Variants in LIN52 observed in about 807,000 individuals in gnomAD.
LIN52 encodes protein lin-52 homolog.
A neutral mutation model predicts 18.5 loss-of-function variants in LIN52; 4 were observed. The ratio of observed to expected loss-of-function variants is 0.22; its 90% CI spans 0.11 to 0.49. The LOEUF (loss-of-function observed/expected upper bound fraction) is 0.49. Among genes scored for constraint, LIN52 ranks in the 20% least tolerant of loss-of-function variants. LIN52 has a pLI of 0.97. For missense variants in LIN52, 102 were observed against 139.5 expected (o/e 0.73, Z 1.35); for synonymous variants, 34 against 45.5 (o/e 0.75, Z 1.02).
At chr14:74,138,723 C>T (rs1044297183) in intron 5 of LIN52, among the ~76,000 whole-genome samples, 6 of 150,944 alleles carry the variant, frequency 4.0e-5, no homozygotes, top group Admixed American at 6.6e-5. Flanking sequence ...CACCCCACCC[C>T]CTATCCTCTG....
intron 5 of LIN52, among the ~76,000 whole-genome samples, chr14:74,106,984 C>T (rs1162604634): frequency 3.9e-5 from 6 of 152,126 alleles, no homozygotes; most frequent in Admixed American, 1.3e-4. Context: ...AAATTTAGGC[C>T]CCTTAGTGTG....
intron 5 of LIN52, among the ~76,000 whole-genome samples, chr14:74,157,402 G>C (rs2139561469): frequency 6.6e-6 from 1 of 151,364 alleles, no homozygotes; most frequent in East Asian, 1.9e-4. Flanking sequence ...GCTAACCACA[G>C]ATACTTCTTT....
At position 74,097,655 on chromosome 14, in the gene LIN52, C is replaced by T. The variant is rs113407505; in HGVS notation, c.133-139C>T. On this transcript the variant is annotated intron_variant, in intron 3 of 5. Transcript: ENST00000555028. ...TTCCCCATGTTGGCCAGGCGGGTCT[C>T]GAACTCCTGACTCCTGACCTCAAGT... 3,255 of 572,834 alleles carry T rather than the reference C, an allele frequency of 5.7e-3. 82 individuals carry two copies. The highest frequency in any genetic ancestry group is 0.056 in the African/African-American group (2,881 of 51,570). The allele number at this position is 572,834 out of a possible 1,614,324, so 35.5% of individuals were successfully genotyped here.
intron 5 of LIN52, among the ~76,000 whole-genome samples, chr14:74,127,721 G>A (rs992013045): frequency 6.6e-6 from 1 of 152,266 alleles, no homozygotes; most frequent in Non-Finnish European, 1.5e-5. Flanking sequence ...AATGACTTAG[G>A]ACACAGAATA....
chr14:74,162,556 T>A (rs191613283), intron 5 of LIN52, among the ~76,000 whole-genome samples: 129 of 152,048 alleles, frequency 8.5e-4, no homozygotes, highest in African/African-American at 3.1e-3. Context: ...TTATTTATTT[T>A]TTTATTGAAA....
At chr14:74,136,092 T>C (rs2061096228) in intron 5 of LIN52, among the ~76,000 whole-genome samples, 1 of 152,226 alleles carries the variant, frequency 6.6e-6, no homozygotes, top group Admixed American at 6.5e-5. Flanking sequence ...TCACTTGCTA[T>C]GTCCAATGTA....
At chr14:74,130,875 C>T (rs903735741) in intron 5 of LIN52, among the ~76,000 whole-genome samples, 5 of 151,478 alleles carry the variant, frequency 3.3e-5, no homozygotes, top group East Asian at 1.9e-4. Context: ...CATGACCCAC[C>T]GTGCCCGGCC....
intron 5 of LIN52, chr14:74,114,138 G>A (rs1167286510): frequency 6.1e-6 from 6 of 984,052 alleles, no homozygotes; most frequent in East Asian, 1.1e-4. Context: ...GAGCCACAGC[G>A]CCCGGCCAGA....
chr14:74,109,747 A>G (rs1287861794), intron 5 of LIN52, among the ~76,000 whole-genome samples: 1 of 152,188 alleles, frequency 6.6e-6, no homozygotes, highest in African/African-American at 2.4e-5. Flanking sequence ...TTTCATTTTC[A>G]GTTTGCTCAT....
intron 4 of LIN52, among the ~76,000 whole-genome samples, chr14:74,098,704 C>T (rs557841261): frequency 1.3e-5 from 2 of 151,948 alleles, no homozygotes; most frequent in Non-Finnish European, 2.9e-5. Flanking sequence ...TCCCCCACCA[C>T]GTCCAGCTAA....
At chr14:74,114,660 A>G (rs2060953128) in intron 5 of LIN52, among the ~76,000 whole-genome samples, 2 of 152,284 alleles carry the variant, frequency 1.3e-5, no homozygotes, top group Non-Finnish European at 1.5e-5. Flanking sequence ...AGGCATCTTT[A>G]TTTTCTTAGA....
chr14:74,101,055 T>A (rs1399132852), intron 4 of LIN52, 100 bp from the exon 5 acceptor site: 2 of 873,640 alleles, frequency 2.3e-6, no homozygotes, highest in Admixed American at 4.5e-5. Context: ...CAGTGGTAAT[T>A]AAGCTTGAAA....
chr14:74,136,769 T>C (rs2061100143), intron 5 of LIN52, among the ~76,000 whole-genome samples: 1 of 152,182 alleles, frequency 6.6e-6, no homozygotes, highest in South Asian at 2.1e-4. Context: ...AATGATTCAA[T>C]CACATGTCTC....
At chr14:74,135,940 A>G (rs1361370812) in intron 5 of LIN52, among the ~76,000 whole-genome samples, 1 of 152,216 alleles carries the variant, frequency 6.6e-6, no homozygotes, top group African/African-American at 2.4e-5. Flanking sequence ...CACACTCAAC[A>G]ATAAAAAACT....
chr14:74,127,251 C>T (rs1445813492), intron 5 of LIN52, among the ~76,000 whole-genome samples: 1 of 152,146 alleles, frequency 6.6e-6, no homozygotes, highest in African/African-American at 2.4e-5. Flanking sequence ...AGATATTGTT[C>T]TAAGTACAAT....
At chr14:74,116,979 G>T (rs2060969173) in intron 5 of LIN52, among the ~76,000 whole-genome samples, 1 of 151,308 alleles carries the variant, frequency 6.6e-6, no homozygotes, top group African/African-American at 2.4e-5. Flanking sequence ...TGTTGAATAG[G>T]AAAAAAATAC....
In LIN52 at chr14:74,200,120, A is replaced by AGAAG. The variant is rs1418616351; in HGVS notation, c.*1143_*1144insGAAG. ...GCATGGAGTTTCCTAAACTTTGCAC[A>AGAAG]AAAGAATATCCTGGGGCCGGGCATG... is the stretch of plus-strand genomic sequence containing the variant. On this transcript the variant is annotated 3_prime_UTR_variant, in exon 6 of 6. Transcript: ENST00000555028. 6.6e-6 allele frequency: 1 copy of AGAAG among 151,764 alleles called. No homozygotes were observed. Among genetic ancestry groups the AGAAG allele is most frequent in the Non-Finnish European group, 1.5e-5 (1 of 67,950 alleles). 9.4% of individuals were successfully genotyped at this position (151,764 alleles called of 1,614,324 possible). A position where few individuals can be genotyped will look rare whatever the true frequency, so the allele number is the denominator to read the frequency against.
intron 5 of LIN52, among the ~76,000 whole-genome samples, chr14:74,171,377 A>G (rs2061269845): frequency 6.6e-6 from 1 of 151,950 alleles, no homozygotes; most frequent in Admixed American, 6.5e-5. Flanking sequence ...AAAAAAAAAA[A>G]ACCCAAACAA....
rs536736447 is a variant in LIN52, at chr14:74,123,892, T to G, written c.283+22654T>G. Among the ~76,000 whole-genome samples the G allele has an allele frequency of 4.6e-5, 7 of 152,328 alleles. No individual in the cohort carries two copies. The South Asian group carries it at 1.4e-3, about 32-fold the overall frequency. ...GTTATTGGAAGTAGATCTGTTCTAC[T>G]TACTGACTTGATAAATAACCTCTCT... On this transcript the variant is annotated intron_variant, in intron 5 of 5. Coordinates refer to ENST00000555028, the MANE Select transcript of LIN52 (RefSeq NM_001024674.3).
Sources: gnomAD v4.1 joint callset for allele counts (sites outside exome capture counted in the v4.1 genomes callset) on GRCh38, gnomAD v4.1.1 for gene constraint, MANE v1.5 for transcripts, NCBI Gene and HGNC (gene_info 2026-07-23, HGNC 2026-07-21) for gene names.